Variants in WSCD2 observed in about 807,000 individuals in gnomAD.
The protein encoded by WSCD2 is sialate:O-sulfotransferase 2.
In WSCD2, 28 loss-of-function variants were observed where a neutral mutation model predicts 55.7. The observed-to-expected ratio is 0.50, with a 90% CI of 0.37 to 0.69. WSCD2 has a LOEUF of 0.69. Among genes scored for constraint, WSCD2 ranks in the 30% least tolerant of loss-of-function variants. The probability of loss-of-function intolerance (pLI) is 0.00; values close to 1 mark genes in which losing one functional copy is unlikely to be tolerated. For missense variants in WSCD2, 616 were observed against 762.1 expected, an observed-to-expected ratio of 0.81 and a Z score of 2.26; for synonymous variants, 301 against 301.9, an observed-to-expected ratio of 1.00 and a Z score of 0.03.
intron 1 of WSCD2, among the ~76,000 whole-genome samples, chr12:108,161,725 A>C (rs922327809): frequency 6.6e-6 from 1 of 152,168 alleles, no homozygotes; most frequent in Admixed American, 6.5e-5. Flanking sequence ...TGCTCACTGC[A>C]TAGTTCTTGT....
intron 3 of WSCD2, among the ~76,000 whole-genome samples, chr12:108,209,270 C>T (rs907262408): frequency 3.9e-5 from 6 of 152,122 alleles, no homozygotes; most frequent in African/African-American, 7.2e-5. Context: ...TGTCTTCTCT[C>T]GAAGGGGTGT....
At chr12:108,158,535 CA>C (rs1878752405) in intron 1 of WSCD2, among the ~76,000 whole-genome samples, 1 of 152,144 alleles carries the variant, frequency 6.6e-6, no homozygotes, top group Non-Finnish European at 1.5e-5. Context: ...GCCCTAGATG[CA>C]AGGCCCAAAA....
intron 1 of WSCD2, among the ~76,000 whole-genome samples, chr12:108,172,382 CAGGTGG>C (rs1170188814): frequency 2.0e-5 from 3 of 152,226 alleles, no homozygotes; most frequent in Non-Finnish European, 4.4e-5. Flanking sequence ...CACACAGTGG[CAGGTGG>C]CATTCAATGC....
chr12:108,206,336 C>T lies in WSCD2; in HGVS notation c.430C>T (p.Arg144Ter). ...GGATGACACCCAGAGTCGGGCCCTT[C>T]GAGGAGTGTCCTTTTTTGACTACAA... is the stretch of plus-strand genomic sequence containing the variant. ...YLDDTQSRAL[R>*]GVSFFDYKKM... Residue 144 changes from arginine (R) to a stop codon, truncating the protein, a stop_gained, in exon 3 of 9, where the codon CGA becomes TGA. Transcript: ENST00000547525. LOFTEE classifies it high-confidence loss of function. 1.2e-6 allele frequency: 2 copies of T among 1,614,192 alleles called. No homozygotes were observed. The highest frequency in any genetic ancestry group is 1.7e-6 in the Non-Finnish European group (2 of 1,180,036).
At position 108,248,766 on chromosome 12, in the gene WSCD2, T is replaced by C. The variant is rs1042383597; in HGVS notation, c.*423T>C. 5 of 996,788 alleles carry C rather than the reference T, an allele frequency of 5.0e-6. No homozygotes were observed. In the African/African-American group the frequency reaches 6.9e-5, roughly 14 times the overall value. The allele number at this position is 996,788 out of a possible 1,614,324, so 61.7% of individuals were successfully genotyped here. A position where few individuals can be genotyped will look rare whatever the true frequency, so the allele number is the denominator to read the frequency against. On this transcript the variant is annotated 3_prime_UTR_variant, in exon 9 of 9. Transcript: ENST00000547525. The surrounding 1 kb of genome is among the most constrained non-coding windows in gnomAD (Gnocchi z 4.3). ...TTGTAAAAACTTGGCCCCAGATGCTTGTCCCTTCTGGGCTGAGATTTCGCA... is the reference window on the plus strand; with the variant it reads ...TTGTAAAAACTTGGCCCCAGATGCTCGTCCCTTCTGGGCTGAGATTTCGCA...
At chr12:108,178,932 T>A (rs1881276425) in intron 1 of WSCD2, among the ~76,000 whole-genome samples, 1 of 152,222 alleles carries the variant, frequency 6.6e-6, no homozygotes, top group Non-Finnish European at 1.5e-5. Context: ...TCTCATTTAA[T>A]TCTCACAACC....
chr12:108,197,388 A>T (rs914078802), intron 2 of WSCD2, among the ~76,000 whole-genome samples: 9 of 121,096 alleles, frequency 7.4e-5, no homozygotes, highest in Admixed American at 2.5e-4. Context: ...TGCCTCTTCA[A>T]GAACCAATGC....
intron 1 of WSCD2, chr12:108,131,753 T>G (rs951292151): frequency 6.6e-6 from 1 of 152,262 alleles, no homozygotes; most frequent in Non-Finnish European, 1.5e-5. Flanking sequence ...CTCTCTGCTT[T>G]CTCATAAAAT....
rs182161289 is a variant in WSCD2 at position 108,230,940 on chromosome 12, T to C, written c.980-1791T>C. Among the ~76,000 whole-genome samples the C allele has an allele frequency of 4.0e-3, 607 of 152,028 alleles. 6 individuals carry two copies. Among genetic ancestry groups the C allele is most frequent in the Non-Finnish European group, 6.2e-3 (422 of 67,988 alleles). On this transcript the variant is annotated intron_variant, in intron 6 of 8. Transcript: ENST00000547525. ...GACAACTCTGCTGGCAATGTGGCGG[T>C]GATGGGGTGAAGGGGAGCTGGTGGT...
intron 1 of WSCD2, among the ~76,000 whole-genome samples, chr12:108,180,216 G>A (rs754067533): frequency 6.6e-6 from 1 of 152,130 alleles, no homozygotes; most frequent in African/African-American, 2.4e-5. Flanking sequence ...GATGGCAGGG[G>A]TCATATCATC....
chr12:108,157,792 G>A (rs1222490489), intron 1 of WSCD2, among the ~76,000 whole-genome samples: 3 of 152,020 alleles, frequency 2.0e-5, no homozygotes, highest in East Asian at 3.9e-4. Flanking sequence ...TAGATATTTG[G>A]GTTTGTGAAT....
intron 1 of WSCD2, among the ~76,000 whole-genome samples, chr12:108,184,578 G>C (rs1005757583): frequency 6.6e-6 from 1 of 152,166 alleles, no homozygotes; most frequent in African/African-American, 2.4e-5. Context: ...AAACCTGCAG[G>C]GCAGGAACCA....
At chr12:108,150,597 C>A (rs960529373) in intron 1 of WSCD2, among the ~76,000 whole-genome samples, 1 of 152,050 alleles carries the variant, frequency 6.6e-6, no homozygotes, top group Admixed American at 6.5e-5. Flanking sequence ...CATGCCTGGC[C>A]GGAGCACAGA....
chr12:108,239,192 G>A (rs1889509138), intron 7 of WSCD2, among the ~76,000 whole-genome samples: 2 of 152,150 alleles, frequency 1.3e-5, no homozygotes, highest in Admixed American at 1.3e-4. Context: ...TCTCTCTGCA[G>A]TCACTCATAT....
chr12:108,171,581 T>C (rs577932603), intron 1 of WSCD2: 18 of 152,384 alleles, frequency 1.2e-4, no homozygotes, highest in Admixed American at 7.2e-4. Flanking sequence ...TTATCAAAAT[T>C]AATTTCACTT....
intron 1 of WSCD2, among the ~76,000 whole-genome samples, chr12:108,144,939 G>C (rs980882175): frequency 1.3e-5 from 2 of 152,178 alleles, no homozygotes; most frequent in Non-Finnish European, 2.9e-5. Flanking sequence ...ACTCTGGCCT[G>C]CCTGAATCCA....
In WSCD2 at chr12:108,138,340, T is replaced by A. The variant is rs118041468; in HGVS notation, c.-552+8414T>A. Among the ~76,000 whole-genome samples, 3 of 152,324 alleles carry A rather than the reference T, an allele frequency of 2.0e-5. 1 individual carries two copies. The East Asian group carries it at 5.8e-4, about 29-fold the overall frequency. On this transcript the variant is annotated intron_variant, in intron 1 of 8. Transcript: ENST00000547525. ...CATGTCCAGTAGCTGGGTAAAAAGATGCCCCATTTAACTCTGTTGTGCCTT... is the reference window on the plus strand; with the variant it reads ...CATGTCCAGTAGCTGGGTAAAAAGAAGCCCCATTTAACTCTGTTGTGCCTT...
chr12:108,234,468 T>C (rs988433683), intron 7 of WSCD2, among the ~76,000 whole-genome samples: 1 of 152,218 alleles, frequency 6.6e-6, no homozygotes, highest in African/African-American at 2.4e-5. Flanking sequence ...ATCCTAGCTT[T>C]TTATATATTT....
At chr12:108,198,432 C>T (rs1428344271) in intron 2 of WSCD2, among the ~76,000 whole-genome samples, 1 of 152,164 alleles carries the variant, frequency 6.6e-6, no homozygotes, top group Non-Finnish European at 1.5e-5. Context: ...TCAAATGCTC[C>T]TCCTCTATGC....
Sources: allele counts gnomAD v4.1 joint callset (sites outside exome capture counted in the v4.1 genomes callset), GRCh38; gene constraint gnomAD v4.1.1; non-coding constraint Gnocchi (gnomAD v3.1); transcripts MANE v1.5; gene names NCBI Gene and HGNC (gene_info 2026-07-23, HGNC 2026-07-21).